HS3ST5: variants seen among roughly 807,000 people sequenced by gnomAD.
HS3ST5 encodes heparan sulfate glucosamine 3-O-sulfotransferase 5.
HS3ST5 carries 10 observed loss-of-function variants against 25.4 expected under a neutral mutation model. The ratio of observed to expected loss-of-function variants is 0.39; its 90% CI spans 0.24 to 0.67. The LOEUF (loss-of-function observed/expected upper bound fraction) is 0.67. HS3ST5 is among the 30% of genes least tolerant of loss of function. The probability of loss-of-function intolerance (pLI) is 0.44; values close to 1 mark genes in which losing one functional copy is unlikely to be tolerated. For synonymous variants in HS3ST5, 170 were observed against 162.4 expected, an observed-to-expected ratio of 1.05 and a Z score of -0.36; for missense variants, 324 against 420.7, an observed-to-expected ratio of 0.77 and a Z score of 2.01.
intron 3 of HS3ST5, among the ~76,000 whole-genome samples, chr6:114,149,246 G>T (rs1582654262): frequency 6.6e-6 from 1 of 152,078 alleles, no homozygotes; most frequent in African/African-American, 2.4e-5. Flanking sequence ...TACCCAAAGG[G>T]TTACAAATCA....
intron 1 of HS3ST5, among the ~76,000 whole-genome samples, chr6:114,305,525 T>G (rs2114823716): frequency 6.6e-6 from 1 of 152,206 alleles, no homozygotes; most frequent in African/African-American, 2.4e-5. Flanking sequence ...CCACATGAAC[T>G]TTTCCTCAAG....
chr6:114,238,425 T>C (rs1771955749), intron 1 of HS3ST5, among the ~76,000 whole-genome samples: 1 of 152,198 alleles, frequency 6.6e-6, no homozygotes, highest in Non-Finnish European at 1.5e-5. Flanking sequence ...TTTACCAGTA[T>C]GTGATAAGTT....
chr6:114,341,827 A>G (rs1237805890), intron 1 of HS3ST5, among the ~76,000 whole-genome samples: 7 of 151,798 alleles, frequency 4.6e-5, no homozygotes, highest in Admixed American at 4.6e-4. Flanking sequence ...CCGAACGCGA[A>G]CCCCTAAACT....
intron 3 of HS3ST5, among the ~76,000 whole-genome samples, chr6:114,097,942 G>T (rs2680971): frequency 0.85 from 129,197 of 151,842 alleles, 55,310 homozygotes; most frequent in Non-Finnish European, 0.9. Flanking sequence ...TATATGTGTA[G>T]ATATGTATTT....
intron 1 of HS3ST5, among the ~76,000 whole-genome samples, chr6:114,320,595 T>C (rs1442064194): frequency 6.6e-6 from 1 of 152,120 alleles, no homozygotes; most frequent in African/African-American, 2.4e-5. Context: ...ATGTCTACCA[T>C]TTTGGTAGCA....
chr6:114,187,478 C>T (rs1159187512), intron 2 of HS3ST5, among the ~76,000 whole-genome samples: 1 of 152,162 alleles, frequency 6.6e-6, no homozygotes, highest in African/African-American at 2.4e-5. Flanking sequence ...GCACTAGAAA[C>T]AGAAGTGGAG....
At chr6:114,198,289 A>T (rs1467121326) in intron 2 of HS3ST5, among the ~76,000 whole-genome samples, 1 of 152,202 alleles carries the variant, frequency 6.6e-6, no homozygotes, top group Non-Finnish European at 1.5e-5. Flanking sequence ...ATATGGGATT[A>T]TACAAAGTAA....
chr6:114,291,300 G>A (rs1188923356), intron 1 of HS3ST5, among the ~76,000 whole-genome samples: 1 of 152,148 alleles, frequency 6.6e-6, no homozygotes, highest in African/African-American at 2.4e-5. Context: ...TCTCTGAAGA[G>A]AGTTTTTGTT....
chr6:114,068,967 A>T (rs1394410360), intron 3 of HS3ST5, among the ~76,000 whole-genome samples: 1 of 152,220 alleles, frequency 6.6e-6, no homozygotes, highest in African/African-American at 2.4e-5. Context: ...TTGTAGAGAC[A>T]TCTGGCTGTT....
At chr6:114,307,015 G>A (rs1436834096) in intron 1 of HS3ST5, among the ~76,000 whole-genome samples, 1 of 152,194 alleles carries the variant, frequency 6.6e-6, no homozygotes, top group Non-Finnish European at 1.5e-5. Context: ...ATTAACGACA[G>A]TAGCAAGGGC....
In HS3ST5 at chr6:114,088,380, C is replaced by T. The variant is rs4945990; in HGVS notation, c.-32-25503G>A. On this transcript the variant is annotated intron_variant, in intron 3 of 4. Coordinates refer to ENST00000312719, the MANE Select transcript of HS3ST5 (RefSeq NM_153612.4). ...TTCTTTTCTTCTGCCTATACTATTT[C>T]CTGGATGATCTTCTCTTTTTTTTTT... Among the ~76,000 whole-genome samples, 481 of 151,572 alleles carry T rather than the reference C, an allele frequency of 3.2e-3. 7 individuals carry two copies. Among genetic ancestry groups the T allele is most frequent in the East Asian group, 0.03 (153 of 5,180 alleles).
intron 2 of HS3ST5, among the ~76,000 whole-genome samples, chr6:114,227,944 G>C (rs1013794377): frequency 1.3e-5 from 2 of 152,010 alleles, no homozygotes; most frequent in African/African-American, 2.4e-5. Context: ...CTTTAAAAAG[G>C]AATAACTCAA....
At chr6:114,273,603 G>A (rs897147062) in intron 1 of HS3ST5, among the ~76,000 whole-genome samples, 2 of 152,028 alleles carry the variant, frequency 1.3e-5, no homozygotes, top group African/African-American at 4.8e-5. Context: ...AGAGCAGCCC[G>A]TTAGGAAAGT....
chr6:114,161,446 G>T (rs1778940488), intron 3 of HS3ST5, among the ~76,000 whole-genome samples: 1 of 137,518 alleles, frequency 7.3e-6, no homozygotes, highest in South Asian at 2.4e-4. Flanking sequence ...AATATTAGAA[G>T]CCATGATATG....
At chr6:114,165,672 G>T (rs1380194435) in intron 3 of HS3ST5, among the ~76,000 whole-genome samples, 2 of 152,118 alleles carry the variant, frequency 1.3e-5, no homozygotes, top group Non-Finnish European at 2.9e-5. Flanking sequence ...CCTACCTCAG[G>T]ACACTGAACC....
intron 1 of HS3ST5, among the ~76,000 whole-genome samples, chr6:114,274,878 A>G (rs1377059054): frequency 1.3e-5 from 2 of 151,852 alleles, no homozygotes; most frequent in African/African-American, 4.8e-5. Context: ...GCTCGTTAGC[A>G]CCTACTAGTT....
intron 2 of HS3ST5, among the ~76,000 whole-genome samples, chr6:114,200,899 A>G (rs1042096374): frequency 4.6e-5 from 7 of 152,172 alleles, no homozygotes; most frequent in Admixed American, 3.9e-4. Flanking sequence ...TCTCTCAAGG[A>G]TGCTCCATAA....
intron 1 of HS3ST5, among the ~76,000 whole-genome samples, chr6:114,340,933 T>C (rs1776804013): frequency 1.3e-5 from 2 of 151,942 alleles, no homozygotes; most frequent in Non-Finnish European, 2.9e-5. Context: ...AAAGGAGCAT[T>C]AGCACAGAAA....
intron 3 of HS3ST5, among the ~76,000 whole-genome samples, chr6:114,102,873 A>C (rs757928228): frequency 4.6e-5 from 7 of 152,206 alleles, no homozygotes; most frequent in Non-Finnish European, 8.8e-5. Flanking sequence ...TTTCCAGACC[A>C]AGATAAAATT....
Sources: gnomAD v4.1 joint callset for allele counts (sites outside exome capture counted in the v4.1 genomes callset) on GRCh38, gnomAD v4.1.1 for gene constraint, MANE v1.5 for transcripts, NCBI Gene and HGNC (gene_info 2026-07-23, HGNC 2026-07-21) for gene names.